Variants in CHODL observed in about 807,000 individuals in gnomAD.
The protein encoded by CHODL is chondrolectin.
CHODL carries 29 observed loss-of-function variants against 34.5 expected under a neutral mutation model. The ratio of observed to expected loss-of-function variants is 0.84; its 90% CI spans 0.63 to 1.15. CHODL has a LOEUF of 1.15. Among genes scored for constraint, CHODL ranks in the 50% most tolerant of loss-of-function variants. The probability of loss-of-function intolerance (pLI) is 0.00; values close to 1 mark genes in which losing one functional copy is unlikely to be tolerated. For missense variants in CHODL, 332 were observed against 332.5 expected, an observed-to-expected ratio of 1.00 and a Z score of 0.01; for synonymous variants, 125 against 116.1, an observed-to-expected ratio of 1.08 and a Z score of -0.49.
intron 2 of CHODL, among the ~76,000 whole-genome samples, chr21:18,177,438 GTGTA>G (rs1469974530): frequency 3.9e-5 from 6 of 151,958 alleles, no homozygotes; most frequent in African/African-American, 1.4e-4. Flanking sequence ...ATATTTTTCT[GTGTA>G]TGTAGCTTCA....
chr21:18,005,386 A>G (rs1173850316), intron 1 of CHODL, among the ~76,000 whole-genome samples: 1 of 152,260 alleles, frequency 6.6e-6, no homozygotes, highest in Non-Finnish European at 1.5e-5. Flanking sequence ...AATAAAATAA[A>G]GAGACTTTAA....
chr21:18,028,206 C>A, intron 2 of CHODL, among the ~76,000 whole-genome samples: 1 of 111,952 alleles, frequency 8.9e-6, no homozygotes, highest in Non-Finnish European at 1.8e-5. Flanking sequence ...TCCTTTAGCT[C>A]TTCCTCCCCT....
chr21:18,247,782 A>G (rs2074160375), intron 1 of CHODL, among the ~76,000 whole-genome samples: 1 of 152,078 alleles, frequency 6.6e-6, no homozygotes, highest in East Asian at 1.9e-4. Context: ...CTGATTTCTT[A>G]CTACACACAG....
intron 1 of CHODL, among the ~76,000 whole-genome samples, chr21:17,980,981 T>C (rs1167566265): frequency 2.0e-5 from 3 of 152,204 alleles, no homozygotes; most frequent in Admixed American, 6.5e-5. Context: ...TCAGTTTCCA[T>C]GAAATGCAGA....
chr21:18,031,588 G>A (rs1211542565), intron 2 of CHODL, among the ~76,000 whole-genome samples: 1 of 152,052 alleles, frequency 6.6e-6, no homozygotes, highest in Non-Finnish European at 1.5e-5. Flanking sequence ...AAGGGGCTTT[G>A]GAGATTGTTC....
At chr21:17,930,975 A>C in intron 1 of CHODL, among the ~76,000 whole-genome samples, 1 of 152,236 alleles carries the variant, frequency 6.6e-6, no homozygotes, top group East Asian at 1.9e-4. Context: ...GCCTGGCGTT[A>C]GATGACAGTG....
intron 1 of CHODL, among the ~76,000 whole-genome samples, chr21:18,251,435 TA>T (rs1400730132): frequency 1.4e-5 from 1 of 69,678 alleles, no homozygotes; most frequent in Admixed American, 1.2e-4. Flanking sequence ...TTATTTATTT[TA>T]ATATATAAAA....
intron 1 of CHODL, among the ~76,000 whole-genome samples, chr21:17,935,602 A>T (rs926418493): frequency 1.3e-5 from 2 of 152,252 alleles, no homozygotes; most frequent in Non-Finnish European, 2.9e-5. Flanking sequence ...CTTTTTTAAC[A>T]AAATACATTC....
chr21:18,049,316 C>T (rs1484564153), intron 2 of CHODL, among the ~76,000 whole-genome samples: 1 of 151,856 alleles, frequency 6.6e-6, no homozygotes, highest in Admixed American at 6.6e-5. Flanking sequence ...TTGCCAAACT[C>T]ATGGGAAAAT....
intron 2 of CHODL, among the ~76,000 whole-genome samples, chr21:18,071,146 A>ATT (rs10634402): frequency 0.38 from 43,020 of 112,484 alleles, 9,685 homozygotes; most frequent in Non-Finnish European, 0.49. Flanking sequence ...TAACTACAGC[A>ATT]TTTTTTTTTT....
At chr21:18,128,148 A>G (rs1205668504) in intron 2 of CHODL, among the ~76,000 whole-genome samples, 1 of 151,168 alleles carries the variant, frequency 6.6e-6, no homozygotes, top group Admixed American at 6.6e-5. Context: ...AAAATACAAA[A>G]AAATTAGCTG....
intron 1 of CHODL, among the ~76,000 whole-genome samples, chr21:17,963,449 CG>C (rs1568819180): frequency 6.6e-6 from 1 of 152,158 alleles, no homozygotes; most frequent in Non-Finnish European, 1.5e-5. Context: ...GCCTTACAAT[CG>C]TGGCTGAAGG....
At chr21:18,208,954 G>A (rs140993111) in intron 2 of CHODL, among the ~76,000 whole-genome samples, 151 of 145,704 alleles carry the variant, frequency 1.0e-3, no homozygotes, top group African/African-American at 3.6e-3. Context: ...CACCGGAACT[G>A]TGCTGGATCA....
At chr21:18,021,175 G>C (rs2064124514) in intron 1 of CHODL, among the ~76,000 whole-genome samples, 1 of 152,128 alleles carries the variant, frequency 6.6e-6, no homozygotes, top group Non-Finnish European at 1.5e-5. Flanking sequence ...GACTACTTAG[G>C]GAAGAGTTCT....
intron 1 of CHODL, among the ~76,000 whole-genome samples, chr21:17,996,191 A>G (rs1185779681): frequency 6.6e-6 from 1 of 152,172 alleles, no homozygotes; most frequent in Non-Finnish European, 1.5e-5. Context: ...AAGACAGAAC[A>G]TTATTCTTTT....
intron 1 of CHODL, among the ~76,000 whole-genome samples, chr21:18,245,509 A>C (rs527863190): frequency 6.6e-6 from 1 of 152,284 alleles, no homozygotes; most frequent in South Asian, 2.1e-4. Flanking sequence ...ATTTTTGTGA[A>C]GCGCTTGCTT....
At chr21:18,036,911 A>G (rs2064318091) in intron 2 of CHODL, among the ~76,000 whole-genome samples, 1 of 151,940 alleles carries the variant, frequency 6.6e-6, no homozygotes, top group Non-Finnish European at 1.5e-5. Flanking sequence ...GCCATATTCA[A>G]TCATTAACCA....
intron 2 of CHODL, among the ~76,000 whole-genome samples, chr21:18,206,370 C>T (rs1443823130): frequency 6.6e-6 from 1 of 152,046 alleles, no homozygotes; most frequent in East Asian, 1.9e-4. Context: ...TGAATTGACC[C>T]CTTTATCATT....
chr21:17,988,109 G>T (rs2063767826), intron 1 of CHODL, among the ~76,000 whole-genome samples: 1 of 152,148 alleles, frequency 6.6e-6, no homozygotes. Flanking sequence ...ACAACATAGA[G>T]GATGAAAAAT....
Sources: gnomAD v4.1 joint callset for allele counts (sites outside exome capture counted in the v4.1 genomes callset) on GRCh38, gnomAD v4.1.1 for gene constraint, MANE v1.5 for transcripts, NCBI Gene and HGNC (gene_info 2026-07-23, HGNC 2026-07-21) for gene names.